Variants in KRT4 observed in about 807,000 individuals in gnomAD.
The protein encoded by KRT4 is keratin 4.
KRT4 carries 47 observed loss-of-function variants against 50.6 expected under a neutral mutation model. The ratio of observed to expected loss-of-function variants is 0.93; its 90% CI spans 0.73 to 1.18. The LOEUF (loss-of-function observed/expected upper bound fraction) is 1.18, where lower values mean the gene tolerates loss of function less well. KRT4 is among the 50% of genes most tolerant of loss of function. The pLI is 0.00. For missense variants in KRT4, 651 were observed against 645.7 expected (o/e 1.01, Z -0.09); for synonymous variants, 254 against 251.2 (o/e 1.01, Z -0.10).
At position 52,813,990 on chromosome 12, in the gene KRT4, G is replaced by A. The variant is rs765838470; in HGVS notation, c.69C>T (p.Gly23=). Residue 23 remains glycine, a synonymous_variant, in exon 1 of 9, where the codon GGC becomes GGT. Coordinates refer to ENST00000551956, the MANE Select transcript of KRT4 (RefSeq NM_002272.4). ...RGFSCGSAIV[G]GGKRGAFSSV... ...AGCTGAAGGCACCTCTCTTGCCACCGCCTACAATGGCCGAGCCACAGCTGA... is the reference window on the plus strand; with the variant it reads ...AGCTGAAGGCACCTCTCTTGCCACCACCTACAATGGCCGAGCCACAGCTGA... The A allele has an allele frequency of 1.2e-5, 20 of 1,613,784 alleles. No individual in the cohort carries two copies. The highest frequency in any genetic ancestry group is 5.5e-5 in the South Asian group (5 of 91,080).
At chr12:52,810,728 G>A (rs191198104) in intron 3 of KRT4, 28 bp downstream of exon 3, 1 of 1,603,744 alleles carries the variant, frequency 6.2e-7, no homozygotes, top group South Asian at 1.1e-5. Context: ...CACCCTGAAG[G>A]CACTCCCTAC....
chr12:52,809,441 T>G lies in KRT4; in HGVS notation c.776A>C (p.Glu259Ala), dbSNP rs1012075395. ...GTCATTAAGACTGTCCACCTTGGCC[T>G]CCAACTCCACCTTGTTCAGGTAGGC... ...DAAYLNKVEL[E>A]AKVDSLNDEI... Residue 259 changes from glutamate to alanine, a missense_variant, in exon 4 of 9, where the codon GAG becomes GCG. Transcript: ENST00000551956. The G allele has an allele frequency of 1.4e-5, 22 of 1,614,092 alleles. No individual in the cohort carries two copies. The highest frequency in any genetic ancestry group is 1.9e-5 in the Non-Finnish European group (22 of 1,179,946).
intron 6 of KRT4, 110 bp from the exon 7 acceptor site, chr12:52,807,974 A>C: frequency 1.0e-6 from 1 of 1,004,494 alleles, no homozygotes; most frequent in Non-Finnish European, 1.5e-6. Context: ...TCAAGATTCT[A>C]TCTGTTCTGC....
Position 52,814,033 on chromosome 12 carries a change from C to T in KRT4, c.26G>A (p.Arg9Gln), listed in dbSNP as rs950673957. ...ACAGCTGAAGCCCCGGGGCCCGCCTCGGACACACTGCTGTCTGGCAATCAT... is the reference window on the plus strand; with the variant it reads ...ACAGCTGAAGCCCCGGGGCCCGCCTTGGACACACTGCTGTCTGGCAATCAT... MIARQQCV[R>Q]GGPRGFSCGS... is the part of the protein sequence containing the mutation. Residue 9 changes from arginine (R) to glutamine (Q), a missense_variant, in exon 1 of 9, where the codon CGA becomes CAA. By Grantham distance (43) the Arg-to-Gln change is conservative. Transcript: ENST00000551956. 1 of 1,613,884 alleles carries T rather than the reference C, an allele frequency of 6.2e-7. No homozygotes were observed. The highest frequency in any genetic ancestry group is 8.5e-7 in the Non-Finnish European group (1 of 1,179,840).
Position 52,814,021 on chromosome 12 carries a change from C to G in KRT4, c.38G>C (p.Arg13Pro), listed in dbSNP as rs367746866. Residue 13 changes from arginine to proline, a missense_variant, in exon 1 of 9, where the codon CGG becomes CCG. Coordinates refer to ENST00000551956, the MANE Select transcript of KRT4 (RefSeq NM_002272.4). ...AATGGCCGAGCCACAGCTGAAGCCC[C>G]GGGGCCCGCCTCGGACACACTGCTG... ...ARQQCVRGGP[R>P]GFSCGSAIVG... is the part of the protein sequence containing the mutation. 2 of 1,613,926 alleles carry G rather than the reference C, an allele frequency of 1.2e-6. No homozygotes were observed. Among genetic ancestry groups the G allele is most frequent in the Admixed American group, 1.7e-5 (1 of 60,024 alleles).
intron 7 of KRT4, 55 bp from the exon 8 acceptor site, chr12:52,807,448 A>G: frequency 1.2e-6 from 2 of 1,600,702 alleles, no homozygotes; most frequent in Non-Finnish European, 1.7e-6. Flanking sequence ...TTTGTTCAAT[A>G]AGCATGCCTC....
In KRT4 at chr12:52,811,753, C is replaced by T. The variant is rs763651937; in HGVS notation, c.677+10G>A. On this transcript the variant is annotated intron_variant, in intron 2 of 8. Coordinates refer to ENST00000551956, the MANE Select transcript of KRT4 (RefSeq NM_002272.4). ...TGTCAGATGGCGTCCCCTCCTTCCT[C>T]CCCATGTACTTAGTCTTGAAGTCCT... 7.9e-5 allele frequency: 127 copies of T among 1,607,174 alleles called. No homozygotes were observed. The highest frequency in any genetic ancestry group is 9.4e-5 in the Non-Finnish European group (111 of 1,174,816).
rs767905309 is a variant in KRT4, at chr12:52,808,368, T to G, written c.1051A>C (p.Thr351Pro). Residue 351 changes from threonine (T) to proline (P), a missense_variant, in exon 6 of 9, where the codon ACC becomes CCC. By Grantham distance (38) the Thr-to-Pro change is conservative. Transcript: ENST00000551956. ...VDQHGDNLKN[T>P]KSEIAELNRM... ...TTGAGCTCTGCAATTTCACTCTTGG[T>G]GTTCTTCAGGTTGTCACCATGTTGG... The G allele has an allele frequency of 4.3e-6, 7 of 1,614,150 alleles. No individual in the cohort carries two copies. The highest frequency in any genetic ancestry group is 5.9e-6 in the Non-Finnish European group (7 of 1,180,028).
At chr12:52,813,416 C>T (rs1939945343) in intron 1 of KRT4, among the ~76,000 whole-genome samples, 181 bp downstream of exon 1, 1 of 152,096 alleles carries the variant, frequency 6.6e-6, no homozygotes, top group Non-Finnish European at 1.5e-5. Flanking sequence ...TCCCACCTTC[C>T]CACCAGCCAC....
In KRT4 at chr12:52,807,670, G is replaced by A; in HGVS notation, c.1320C>T (p.Arg440=). ...TGTACTCCTCGCCCTCCAGCAGTTT[G>A]CGGTAGGTGGCGATCTCGATGTCCA... The part of the protein sequence containing the change: ...LALDIEIATY[R]KLLEGEEYRM... The change falls in exon 7 of 9, where the codon CGC becomes CGT. Residue 440 remains arginine (R), a synonymous_variant. Transcript: ENST00000551956. The A allele has an allele frequency of 1.9e-6, 3 of 1,614,028 alleles. No individual in the cohort carries two copies. Among genetic ancestry groups the A allele is most frequent in the Non-Finnish European group, 2.5e-6 (3 of 1,180,030 alleles).
rs1175551240 is a variant in KRT4, at chr12:52,809,478, C to T, written c.739G>A (p.Asp247Asn). Residue 247 changes from aspartate (D) to asparagine (N), a missense_variant and splice_region_variant, in exon 4 of 9, where the codon GAC (aspartate) becomes AAC (asparagine). Transcript: ENST00000551956. The stretch of plus-strand genomic sequence containing the variant: ...TTGTTCAGGTAGGCAGCATCCACGT[C>T]CTGCAGAGGAGTAAGGAGGATAAGA... ...AENDFVVLKKDVDAAYLNKVE... is the reference protein window; with the variant it reads ...AENDFVVLKKNVDAAYLNKVE... 6.2e-7 allele frequency: 1 copy of T among 1,610,940 alleles called. No individual in the cohort carries two copies. The highest frequency in any genetic ancestry group is 8.5e-7 in the Non-Finnish European group (1 of 1,177,210).
chr12:52,806,878 A>C lies in KRT4; in HGVS notation c.*191T>G. ...AGGCCCAAATCAAGAAGTAGCTACC[A>C]AACTCCAAGAGGCAGAGTCCCTGTC... is the stretch of plus-strand genomic sequence containing the variant. On this transcript the variant is annotated 3_prime_UTR_variant, in exon 9 of 9. Transcript: ENST00000551956. 3 of 681,082 alleles carry C rather than the reference A, an allele frequency of 4.4e-6. No homozygotes were observed. Among genetic ancestry groups the C allele is most frequent in the Admixed American group, 2.3e-5 (1 of 43,000 alleles). 42.2% of individuals were successfully genotyped at this position (681,082 alleles called of 1,614,324 possible).
rs1939906692 is a variant in KRT4 at position 52,811,344 on chromosome 12, G to A, written c.677+419C>T. On this transcript the variant is annotated intron_variant, in intron 2 of 8. Transcript: ENST00000551956. ...TTTAATTCTCACAACCCATAAAGTAGGAATATTATCCCCATTTCAAAGATG... is the reference window on the plus strand; with the variant it reads ...TTTAATTCTCACAACCCATAAAGTAAGAATATTATCCCCATTTCAAAGATG... The A allele has an allele frequency of 1.5e-5, 4 of 263,086 alleles. No individual in the cohort carries two copies. In the South Asian group the frequency reaches 1.9e-4, roughly 12 times the overall value. The allele number at this position is 263,086 out of a possible 1,614,324, so 16.3% of individuals were successfully genotyped here.
intron 1 of KRT4, 102 bp downstream of exon 1, chr12:52,813,495 T>G: frequency 9.7e-7 from 1 of 1,034,364 alleles, no homozygotes; most frequent in Non-Finnish European, 1.5e-6. Context: ...CCAGGGAAGT[T>G]CAGTGGTCTC....
At position 52,808,786 on chromosome 12, in the gene KRT4, C is replaced by T. The variant is rs767527715; in HGVS notation, c.899G>A (p.Arg300His). The stretch of plus-strand genomic sequence containing the variant: ...AATAATGCTGTCCAGGTCCAGGTTG[C>T]GGTTGTTGTCCATGGAAAGGACCAC... ...TSVVLSMDNN[R>H]NLDLDSIIAE... The change falls in exon 5 of 9, where the codon CGC (arginine) becomes CAC (histidine). Residue 300 changes from arginine to histidine, a missense_variant. Arg to His is a conservative substitution (Grantham distance 29). Transcript: ENST00000551956. 59 of 1,613,960 alleles carry T rather than the reference C, an allele frequency of 3.7e-5. No individual in the cohort carries two copies. Among genetic ancestry groups the T allele is most frequent in the Admixed American group, 1.7e-4 (10 of 59,998 alleles).
In KRT4 at chr12:52,811,071, A is replaced by G. The variant is rs557491343; in HGVS notation, c.678-255T>C. The G allele has an allele frequency of 1.8e-5, 9 of 503,290 alleles. No individual in the cohort carries two copies. The East Asian group carries it at 2.8e-4, about 16-fold the overall frequency. The allele number at this position is 503,290 out of a possible 1,614,324, so 31.2% of individuals were successfully genotyped here. On this transcript the variant is annotated intron_variant, in intron 2 of 8. Coordinates refer to ENST00000551956, the MANE Select transcript of KRT4 (RefSeq NM_002272.4). Reference sequence around the variant, plus strand: ...ACTGTTTTCGATAGAAAACCCAGCAATGATGTAGTTGATTTAATGTCCCTG... The same window carrying G: ...ACTGTTTTCGATAGAAAACCCAGCAGTGATGTAGTTGATTTAATGTCCCTG...
intron 8 of KRT4, 29 bp downstream of exon 8, chr12:52,807,330 C>G: frequency 6.2e-7 from 1 of 1,614,196 alleles, no homozygotes; most frequent in South Asian, 1.1e-5. Context: ...GGTGAATGAA[C>G]AACTACAGCA....
In KRT4 at chr12:52,811,625, G is replaced by C. The variant is rs1939911410; in HGVS notation, c.677+138C>G. 3 of 716,782 alleles carry C rather than the reference G, an allele frequency of 4.2e-6. No homozygotes were observed. In the South Asian group the frequency reaches 4.8e-5, roughly 11 times the overall value. 44.4% of individuals were successfully genotyped at this position (716,782 alleles called of 1,614,324 possible). The stretch of plus-strand genomic sequence containing the variant: ...CACCCTGAGAAAACGTGACTATGTG[G>C]ATGTAGCAAAACAGACTAGAGGGCC... On this transcript the variant is annotated intron_variant, in intron 2 of 8. Coordinates refer to ENST00000551956, the MANE Select transcript of KRT4 (RefSeq NM_002272.4).
rs1238134810 is a variant in KRT4 at position 52,814,111 on chromosome 12, G to A, written c.-53C>T. ...CAGAGAAGTGACAGGGCCCAGGCCG[G>A]TGAGTGCTGGAGCCCTCAGCCTTCG... On this transcript the variant is annotated 5_prime_UTR_variant, in exon 1 of 9. Transcript: ENST00000551956. 36 of 1,613,960 alleles carry A rather than the reference G, an allele frequency of 2.2e-5. No homozygotes were observed. Among genetic ancestry groups the A allele is most frequent in the Non-Finnish European group, 3.1e-5 (36 of 1,180,026 alleles).
Sources: allele counts gnomAD v4.1 joint callset (sites outside exome capture counted in the v4.1 genomes callset), GRCh38; gene constraint gnomAD v4.1.1; transcripts MANE v1.5; gene names NCBI Gene and HGNC (gene_info 2026-07-23, HGNC 2026-07-21).